Variants in ATRNL1 observed in about 807,000 individuals in gnomAD.
ATRNL1 encodes the protein attractin like 1, also known as attractin-like protein 1.
Under a neutral mutation model 182.7 loss-of-function variants are expected in ATRNL1, and 95 were observed. That is an observed-to-expected ratio of 0.52 (90% CI 0.44 to 0.62). ATRNL1 has a LOEUF of 0.62. Ranked by LOEUF, ATRNL1 falls within the 20% of genes least tolerant of loss-of-function variation. ATRNL1 has a pLI of 0.00. For synonymous variants in ATRNL1, 576 were observed against 568.3 expected (o/e 1.01, Z -0.19); for missense variants, 1,471 against 1,679.5 (o/e 0.88, Z 2.17).
intron 27 of ATRNL1, among the ~76,000 whole-genome samples, chr10:115,837,906 G>A (rs725556): frequency 0.62 from 94,064 of 152,040 alleles, 32,078 homozygotes; most frequent in East Asian, 0.79. Context: ...TAAAATTGCT[G>A]ATATTCAATT....
intron 27 of ATRNL1, among the ~76,000 whole-genome samples, chr10:115,760,635 C>T (rs1250830205): frequency 6.6e-6 from 1 of 152,042 alleles, no homozygotes; most frequent in Non-Finnish European, 1.5e-5. Flanking sequence ...ACAATACACA[C>T]ACACGTATAT....
At chr10:115,451,599 G>T (rs1467233798) in intron 21 of ATRNL1, among the ~76,000 whole-genome samples, 1 of 152,064 alleles carries the variant, frequency 6.6e-6, no homozygotes, top group Admixed American at 6.6e-5. Context: ...TTATTAAAAA[G>T]TAAAAAAATA....
At chr10:115,479,817 G>A (rs567281671) in intron 24 of ATRNL1, among the ~76,000 whole-genome samples, 4 of 151,256 alleles carry the variant, frequency 2.6e-5, no homozygotes, top group South Asian at 4.2e-4. Context: ...CTACTGTAGC[G>A]GTAGTGCTAA....
At chr10:115,583,999 T>C (rs1213071043) in intron 26 of ATRNL1, among the ~76,000 whole-genome samples, 12 of 152,216 alleles carry the variant, frequency 7.9e-5, no homozygotes, top group Non-Finnish European at 1.6e-4. Context: ...GCTGCTTCTA[T>C]TGAGATAGTC....
Position 115,093,441 on chromosome 10 carries a change from G to T in ATRNL1, c.-310G>T, listed in dbSNP as rs1305324860. 4.2e-6 allele frequency: 2 copies of T among 480,284 alleles called. No homozygotes were observed. Among genetic ancestry groups the T allele is most frequent in the African/African-American group, 2.1e-5 (1 of 47,984 alleles). The allele number at this position is 480,284 out of a possible 1,614,324, so 29.8% of individuals were successfully genotyped here. A position where few individuals can be genotyped will look rare whatever the true frequency, so the allele number is the denominator to read the frequency against. Reference sequence around the variant, plus strand: ...CTGCCGGTCAGGTCCCCTCAGGAGCGCCGGGCGCAGTCTGCGCCTCCCGCT... The same window carrying T: ...CTGCCGGTCAGGTCCCCTCAGGAGCTCCGGGCGCAGTCTGCGCCTCCCGCT... On this transcript the variant is annotated 5_prime_UTR_variant, in exon 1 of 29. Coordinates refer to ENST00000355044, the MANE Select transcript of ATRNL1 (RefSeq NM_207303.4). The surrounding 1 kb of genome is among the most constrained non-coding windows in gnomAD (Gnocchi z 6.1).
chr10:115,898,824 G>C (rs1555113058), intron 28 of ATRNL1, among the ~76,000 whole-genome samples: 3 of 152,182 alleles, frequency 2.0e-5, no homozygotes, highest in African/African-American at 7.2e-5. Context: ...TTTTAAAATT[G>C]TTTAAAATAT....
chr10:115,527,386 G>A (rs1376735100), intron 25 of ATRNL1, among the ~76,000 whole-genome samples: 2 of 152,100 alleles, frequency 1.3e-5, no homozygotes, highest in East Asian at 3.9e-4. Flanking sequence ...CTTCCAAAGT[G>A]CTGAGATTAC....
chr10:115,386,452 G>A (rs1858354255), intron 19 of ATRNL1, among the ~76,000 whole-genome samples: 1 of 152,034 alleles, frequency 6.6e-6, no homozygotes, highest in South Asian at 2.1e-4. Flanking sequence ...CCAGTTGAGG[G>A]TGTTCAAGCT....
At chr10:115,797,310 C>G (rs781961828) in intron 27 of ATRNL1, among the ~76,000 whole-genome samples, 2 of 152,144 alleles carry the variant, frequency 1.3e-5, no homozygotes, top group Non-Finnish European at 2.9e-5. Flanking sequence ...AATATGACAC[C>G]TTTTCCTTTC....
intron 15 of ATRNL1, 64 bp from the exon 16 acceptor site, chr10:115,299,970 T>C (rs1853393752): frequency 6.6e-6 from 8 of 1,203,904 alleles, no homozygotes; most frequent in Non-Finnish European, 9.6e-6. Context: ...AACTATTTGC[T>C]AAGGAATATG....
At chr10:115,906,691 A>T (rs959699356) in intron 28 of ATRNL1, among the ~76,000 whole-genome samples, 1 of 152,304 alleles carries the variant, frequency 6.6e-6, no homozygotes, top group African/African-American at 2.4e-5. Context: ...GTATTACTTT[A>T]TTCATACCTG....
chr10:115,223,342 G>T (rs574656702), intron 9 of ATRNL1, among the ~76,000 whole-genome samples: 1 of 152,200 alleles, frequency 6.6e-6, no homozygotes, highest in Non-Finnish European at 1.5e-5. Flanking sequence ...TAAAAGCCAA[G>T]AATTTTTGGA....
intron 26 of ATRNL1, among the ~76,000 whole-genome samples, chr10:115,673,531 G>A (rs1344457740): frequency 2.0e-5 from 3 of 151,942 alleles, no homozygotes; most frequent in Non-Finnish European, 4.4e-5. Flanking sequence ...TGGAATGGTG[G>A]GAGAGACACT....
chr10:115,782,396 T>G (rs1179855834), intron 27 of ATRNL1, among the ~76,000 whole-genome samples: 2 of 152,230 alleles, frequency 1.3e-5, no homozygotes, highest in Admixed American at 6.5e-5. Context: ...TCCCTAATGT[T>G]GATTGTTGTT....
chr10:115,241,853 A>T, intron 10 of ATRNL1, 128 bp downstream of exon 10: 1 of 754,654 alleles, frequency 1.3e-6, no homozygotes, highest in Non-Finnish European at 2.0e-6. Context: ...TATGAATGGA[A>T]TTCTTTCTAA....
chr10:115,174,474 TA>T (rs1554886368), intron 8 of ATRNL1, among the ~76,000 whole-genome samples: 1 of 151,826 alleles, frequency 6.6e-6, no homozygotes, highest in Non-Finnish European at 1.5e-5. Context: ...CTGTTTTAGT[TA>T]TTTTTGTTTT....
intron 24 of ATRNL1, among the ~76,000 whole-genome samples, chr10:115,503,679 A>G (rs1849959508): frequency 6.6e-6 from 1 of 151,988 alleles, no homozygotes; most frequent in African/African-American, 2.4e-5. Flanking sequence ...CAACTTTATT[A>G]TGTAAAAGTT....
intron 15 of ATRNL1, among the ~76,000 whole-genome samples, chr10:115,288,749 T>A (rs1852752064): frequency 6.6e-6 from 1 of 152,142 alleles, no homozygotes; most frequent in South Asian, 2.1e-4. Context: ...CTCGAACTCC[T>A]GACCTCAGGT....
intron 27 of ATRNL1, among the ~76,000 whole-genome samples, chr10:115,791,057 A>C (rs944620544): frequency 1.3e-5 from 2 of 152,206 alleles, no homozygotes. Flanking sequence ...TTGGAAGAAT[A>C]TATTATACAT....
Sources: allele counts gnomAD v4.1 joint callset (sites outside exome capture counted in the v4.1 genomes callset), GRCh38; gene constraint gnomAD v4.1.1; non-coding constraint Gnocchi (gnomAD v3.1); transcripts MANE v1.5; gene names NCBI Gene and HGNC (gene_info 2026-07-23, HGNC 2026-07-21).